PDGFRL: variants seen among roughly 807,000 people sequenced by gnomAD.
The protein encoded by PDGFRL is platelet derived growth factor receptor like.
PDGFRL carries 46 observed loss-of-function variants against 37.2 expected under a neutral mutation model. The observed-to-expected ratio is 1.24, with a 90% CI of 0.98 to 1.58. The LOEUF (loss-of-function observed/expected upper bound fraction) is 1.58. PDGFRL is among the 40% of genes most tolerant of loss of function. PDGFRL has a pLI of 0.00. For missense variants in PDGFRL, 692 were observed against 467.6 expected (o/e 1.48, Z -4.43); for synonymous variants, 251 against 184.3 (o/e 1.36, Z -2.93).
intron 2 of PDGFRL, among the ~76,000 whole-genome samples, chr8:17,617,698 G>A (rs755210666): frequency 2.6e-5 from 4 of 152,188 alleles, no homozygotes; most frequent in East Asian, 1.9e-4. Context: ...TTTCCAGTGC[G>A]TTTCCTTCCT....
At chr8:17,631,674 G>A (rs1302734721) in intron 4 of PDGFRL, among the ~76,000 whole-genome samples, 1 of 151,968 alleles carries the variant, frequency 6.6e-6, no homozygotes, top group Non-Finnish European at 1.5e-5. Context: ...CACCAAAACG[G>A]CTATTGCCAA....
At chr8:17,617,725 C>A (rs1804557272) in intron 2 of PDGFRL, among the ~76,000 whole-genome samples, 1 of 152,222 alleles carries the variant, frequency 6.6e-6, no homozygotes, top group Admixed American at 6.5e-5. Flanking sequence ...CCCAAACCTA[C>A]TAAAGATACA....
chr8:17,584,354 G>T (rs1289893258), intron 1 of PDGFRL, among the ~76,000 whole-genome samples: 1 of 152,104 alleles, frequency 6.6e-6, no homozygotes, highest in Non-Finnish European at 1.5e-5. Context: ...TTCAAGTGGC[G>T]ATGCTGAATA....
chr8:17,609,857 C>A (rs1024408096), intron 2 of PDGFRL, among the ~76,000 whole-genome samples: 2 of 152,042 alleles, frequency 1.3e-5, no homozygotes, highest in Non-Finnish European at 2.9e-5. Context: ...TTCCCAAGAT[C>A]TCTGTAGTCT....
intron 2 of PDGFRL, among the ~76,000 whole-genome samples, chr8:17,593,435 C>T (rs1331437975): frequency 1.1e-4 from 3 of 26,772 alleles, no homozygotes; most frequent in South Asian, 2.2e-3. Context: ...ACTAAAAATA[C>T]GGAAAAAAAA....
At chr8:17,615,125 GTC>G (rs1244150076) in intron 2 of PDGFRL, among the ~76,000 whole-genome samples, 1 of 152,140 alleles carries the variant, frequency 6.6e-6, no homozygotes, top group African/African-American at 2.4e-5. Flanking sequence ...AAAGTAAAGT[GTC>G]TCTTCCGTAT....
chr8:17,578,414 T>C (rs760470407), intron 1 of PDGFRL, among the ~76,000 whole-genome samples: 1 of 152,204 alleles, frequency 6.6e-6, no homozygotes, highest in Non-Finnish European at 1.5e-5. Flanking sequence ...TACTTGAAGT[T>C]GAGCATGAGG....
At position 17,613,545 on chromosome 8, in the gene PDGFRL, G is replaced by T. The variant is rs550735064; in HGVS notation, c.354-7506G>T. Among the ~76,000 whole-genome samples the T allele has an allele frequency of 2.6e-5, 4 of 152,238 alleles. No individual in the cohort carries two copies. In the South Asian group the frequency reaches 8.3e-4, roughly 32 times the overall value. On this transcript the variant is annotated intron_variant, in intron 2 of 5. Transcript: ENST00000251630. ...GGATGTAGCGTGTGCAGTCTCCCGTGAAGTAGTGGGGAAGTGCTTAGGGTG... is the reference window on the plus strand; with the variant it reads ...GGATGTAGCGTGTGCAGTCTCCCGTTAAGTAGTGGGGAAGTGCTTAGGGTG...
intron 2 of PDGFRL, among the ~76,000 whole-genome samples, chr8:17,601,013 C>A (rs773670364): frequency 2.6e-5 from 4 of 152,082 alleles, no homozygotes; most frequent in Non-Finnish European, 5.9e-5. Flanking sequence ...AGCTCATGAT[C>A]TTTCTCCACA....
At chr8:17,609,586 T>G (rs2588117) in intron 2 of PDGFRL, among the ~76,000 whole-genome samples, 7 of 142,066 alleles carry the variant, frequency 4.9e-5, no homozygotes, top group Non-Finnish European at 1.1e-4. Flanking sequence ...TGCAGTGAGC[T>G]GAGATCACGC....
chr8:17,589,365 A>G, intron 1 of PDGFRL, 103 bp from the exon 2 acceptor site: 2 of 822,578 alleles, frequency 2.4e-6, no homozygotes, highest in Non-Finnish European at 3.9e-6. Context: ...CAACCTGGGC[A>G]ATAGAGTAAG....
intron 3 of PDGFRL, among the ~76,000 whole-genome samples, chr8:17,625,535 A>G (rs990489673): frequency 6.6e-6 from 1 of 152,112 alleles, no homozygotes; most frequent in African/African-American, 2.4e-5. Context: ...ATATAAATAC[A>G]TTTGCAGGGG....
At chr8:17,639,193 G>A (rs1805042137) in intron 5 of PDGFRL, among the ~76,000 whole-genome samples, 1 of 152,114 alleles carries the variant, frequency 6.6e-6, no homozygotes, top group Non-Finnish European at 1.5e-5. Flanking sequence ...CAGATACTTG[G>A]TTGGTGACTT....
chr8:17,593,534 G>A (rs947637978), intron 2 of PDGFRL, among the ~76,000 whole-genome samples: 9 of 151,332 alleles, frequency 5.9e-5, no homozygotes, highest in African/African-American at 1.9e-4. Context: ...GGAAGTCAAC[G>A]CTGCAGTGAG....
chr8:17,602,052 G>A (rs79443275), intron 2 of PDGFRL, among the ~76,000 whole-genome samples: 1,837 of 152,250 alleles, frequency 0.012, 41 homozygotes, highest in African/African-American at 0.041. Context: ...GCTTTGCACA[G>A]TGGCTGAATG....
intron 5 of PDGFRL, among the ~76,000 whole-genome samples, chr8:17,637,262 G>C (rs1228808796): frequency 1.3e-5 from 2 of 152,070 alleles, no homozygotes; most frequent in Non-Finnish European, 2.9e-5. Context: ...TCCCTTCTAT[G>C]CCAATTTTGC....
chr8:17,591,161 C>T (rs1001952851), intron 2 of PDGFRL, among the ~76,000 whole-genome samples: 5 of 152,096 alleles, frequency 3.3e-5, no homozygotes, highest in Admixed American at 2.0e-4. Context: ...GGATTACAGG[C>T]GTGAGCCACC....
intron 2 of PDGFRL, among the ~76,000 whole-genome samples, chr8:17,605,186 G>A (rs1464914527): frequency 2.0e-5 from 3 of 152,076 alleles, no homozygotes; most frequent in Non-Finnish European, 4.4e-5. Context: ...ACTGAAAGAA[G>A]ATGCTGAGTA....
intron 2 of PDGFRL, among the ~76,000 whole-genome samples, chr8:17,615,532 C>T (rs1020287785): frequency 6.6e-5 from 10 of 152,116 alleles, no homozygotes; most frequent in Non-Finnish European, 5.9e-5. Context: ...CTCTATGTTT[C>T]GGTGCCCTCA....
Sources: gnomAD v4.1 joint callset for allele counts (sites outside exome capture counted in the v4.1 genomes callset) on GRCh38, gnomAD v4.1.1 for gene constraint, MANE v1.5 for transcripts, NCBI Gene and HGNC (gene_info 2026-07-23, HGNC 2026-07-21) for gene names.